The following ERN1 variants were observed in gnomAD, a reference collection of about 807,000 sequenced individuals.
The protein encoded by ERN1 is endoplasmic reticulum to nucleus signaling 1, also known as serine/threonine-protein kinase/endoribonuclease IRE1.
ERN1 carries 39 observed loss-of-function variants against 113.1 expected under a neutral mutation model. That is an observed-to-expected ratio of 0.34 (90% CI 0.27 to 0.45). ERN1 has a LOEUF of 0.45. Ranked by LOEUF, ERN1 falls within the 20% of genes least tolerant of loss-of-function variation. The pLI is 1.00. For missense variants in ERN1, 976 were observed against 1,274.8 expected, an observed-to-expected ratio of 0.77 and a Z score of 3.57; for synonymous variants, 507 against 515.9, an observed-to-expected ratio of 0.98 and a Z score of 0.23.
chr17:64,081,826 G>A (rs2143414629), intron 2 of ERN1, among the ~76,000 whole-genome samples: 1 of 152,276 alleles, frequency 6.6e-6, no homozygotes. Flanking sequence ...AAAGCAAGAG[G>A]AAGCTCCTGA....
Position 64,098,153 on chromosome 17 carries a change from C to G in ERN1, c.143G>C (p.Arg48Thr). The G allele has an allele frequency of 1.2e-6, 2 of 1,613,970 alleles. No homozygotes were observed. Residue 48 changes from arginine to threonine, a missense_variant, in exon 2 of 22, where the codon AGG becomes ACG. By Grantham distance (71) the Arg-to-Thr change is moderately conservative. Transcript: ENST00000433197. ...TAAAGTCCATTTGATTGAGCCTGTC[C>G]TCTTGCTGACAGCATGCAAACTTCC... ...LDGSLHAVSK[R>T]TGSIKWTLKE...
At position 64,125,614 on chromosome 17, in the gene ERN1, G is replaced by A. The variant is rs915923141; in HGVS notation, c.54+4362C>T. Among the ~76,000 whole-genome samples the A allele has an allele frequency of 2.6e-5, 4 of 152,146 alleles. 1 individual carries two copies. Among genetic ancestry groups the A allele is most frequent in the African/African-American group, 4.8e-5 (2 of 41,432 alleles). ...AGCGATTCTCCTGCCTCGGCCTCCC[G>A]AGTAGCTGGGATTACAGGTGCATGC... On this transcript the variant is annotated intron_variant, in intron 1 of 21. Coordinates refer to ENST00000433197, the MANE Select transcript of ERN1 (RefSeq NM_001433.5).
Position 64,049,132 on chromosome 17 carries a change from A to G in ERN1, c.2324T>C (p.Phe775Ser), listed in dbSNP as rs1406221789. ...GGCCTGCCGCTGCAGGGACTTGCCA[A>G]AAGGGTGGCTGCCCTCAGAGATTAC... Reference protein sequence around the residue: ...YYVISEGSHPFGKSLQRQANI... With the variant: ...YYVISEGSHPSGKSLQRQANI... The change falls in exon 18 of 22, where the codon TTT (phenylalanine) becomes TCT (serine). Residue 775 changes from phenylalanine to serine, a missense_variant. Physicochemically the swap from Phe to Ser is radical, Grantham distance 155. Transcript: ENST00000433197. This position sits in a 1 kb window ranked among gnomAD's most constrained non-coding sequence, Gnocchi z 4.7. The G allele has an allele frequency of 6.2e-7, 1 of 1,610,482 alleles. No individual in the cohort carries two copies. The highest frequency in any genetic ancestry group is 1.1e-5 in the South Asian group (1 of 90,892).
chr17:64,106,964 A>G (rs569328287), intron 1 of ERN1, among the ~76,000 whole-genome samples: 1 of 152,136 alleles, frequency 6.6e-6, no homozygotes, highest in Non-Finnish European at 1.5e-5. Context: ...CAATTCTTCT[A>G]CTTGCAGCAA....
rs1353493080 is a variant in ERN1, at chr17:64,063,246, C to T, written c.1087+740G>A. 6.6e-6 allele frequency among the ~76,000 whole-genome samples: 1 copy of T among 152,246 alleles called. No homozygotes were observed. Among genetic ancestry groups the T allele is most frequent in the Non-Finnish European group, 1.5e-5 (1 of 68,046 alleles). The stretch of plus-strand genomic sequence containing the variant: ...AGTGAGGGATGGGGCACAGGAAGGG[C>T]AGATGGGGTTCAAGAAAACTCCCTC... On this transcript the variant is annotated intron_variant, in intron 10 of 21. Coordinates refer to ENST00000433197, the MANE Select transcript of ERN1 (RefSeq NM_001433.5). The surrounding 1 kb of genome is among the most constrained non-coding windows in gnomAD (Gnocchi z 5.1).
chr17:64,068,154 G>T, intron 7 of ERN1, 36 bp downstream of exon 7: 2 of 1,468,336 alleles, frequency 1.4e-6, no homozygotes, highest in South Asian at 1.2e-5. Context: ...CAAAAGTACT[G>T]GCCCAAGCTT....
At chr17:64,052,174 C>T (rs554631806) in intron 17 of ERN1, among the ~76,000 whole-genome samples, 2 of 152,106 alleles carry the variant, frequency 1.3e-5, no homozygotes, top group African/African-American at 2.4e-5. Flanking sequence ...GGCAAAATAG[C>T]GAGATCGCAC....
chr17:64,072,641 A>G (rs1007043655), intron 5 of ERN1, among the ~76,000 whole-genome samples: 1 of 152,266 alleles, frequency 6.6e-6, no homozygotes, highest in Admixed American at 6.5e-5. Context: ...TAAGGATGTC[A>G]AAGTTGTCTC....
chr17:64,075,090 G>T, intron 5 of ERN1, 85 bp downstream of exon 5: 1 of 1,120,366 alleles, frequency 8.9e-7, no homozygotes, highest in Non-Finnish European at 1.3e-6. Flanking sequence ...GGCGGTGACT[G>T]CGCCCTCTCT....
Position 64,044,208 on chromosome 17 carries a change from G to A in ERN1, c.2722-8C>T. 1 of 1,510,250 alleles carries A rather than the reference G, an allele frequency of 6.6e-7. No individual in the cohort carries two copies. Among genetic ancestry groups the A allele is most frequent in the Non-Finnish European group, 8.9e-7 (1 of 1,125,042 alleles). 93.6% of individuals were successfully genotyped at this position (1,510,250 alleles called of 1,614,324 possible). ...CTCCCGGTAGTGGTGCTTCTGCAAA[G>A]AGTTAGAAAGCTCGGGAGATTAGAA... On this transcript the variant is annotated splice_polypyrimidine_tract_variant and splice_region_variant and intron_variant, in intron 21 of 21. Coordinates refer to ENST00000433197, the MANE Select transcript of ERN1 (RefSeq NM_001433.5). This position sits in a 1 kb window ranked among gnomAD's most constrained non-coding sequence, Gnocchi z 4.1.
At chr17:64,122,874 T>C (rs1242577623) in intron 1 of ERN1, among the ~76,000 whole-genome samples, 1 of 152,248 alleles carries the variant, frequency 6.6e-6, no homozygotes, top group Non-Finnish European at 1.5e-5. Context: ...TGGAAATTTT[T>C]TTAAGACTGA....
At chr17:64,084,632 C>T (rs1203397782) in intron 2 of ERN1, among the ~76,000 whole-genome samples, 1 of 152,200 alleles carries the variant, frequency 6.6e-6, no homozygotes, top group Non-Finnish European at 1.5e-5. Context: ...GAAGAGTGAT[C>T]CTTTTAAAGG....
At chr17:64,121,864 G>A (rs971918421) in intron 1 of ERN1, among the ~76,000 whole-genome samples, 4 of 152,190 alleles carry the variant, frequency 2.6e-5, no homozygotes, top group South Asian at 4.1e-4. Context: ...TTTCCTTGAT[G>A]GAGACTCTCA....
At position 64,065,423 on chromosome 17, in the gene ERN1, G is replaced by A. The variant is rs966808584; in HGVS notation, c.843-136C>T. On this transcript the variant is annotated intron_variant, in intron 8 of 21. Coordinates refer to ENST00000433197, the MANE Select transcript of ERN1 (RefSeq NM_001433.5). ...CCAGACATGGAGGAACGCAGTAGGG[G>A]TGTGAAGCTAGGGGCACTGCCCTGG... 8.1e-6 allele frequency: 5 copies of A among 618,340 alleles called. No homozygotes were observed. The African/African-American group carries it at 9.3e-5, about 11-fold the overall frequency. 38.3% of individuals were successfully genotyped at this position (618,340 alleles called of 1,614,324 possible).
At chr17:64,129,847 G>C in intron 1 of ERN1, 129 bp downstream of exon 1, 1 of 858,242 alleles carries the variant, frequency 1.2e-6, no homozygotes, top group Non-Finnish European at 1.6e-6. Context: ...CCACGGCTGG[G>C]CTCACGGGGC....
Position 64,044,282 on chromosome 17 carries a change from C to A in ERN1, c.2722-82G>T. The A allele has an allele frequency of 1.0e-6, 1 of 969,252 alleles. No homozygotes were observed. The highest frequency in any genetic ancestry group is 1.5e-6 in the Non-Finnish European group (1 of 673,630). 60.0% of individuals were successfully genotyped at this position (969,252 alleles called of 1,614,324 possible). ...GTTGGCAAAACACCCTTTCATCATG[C>A]AAGGAAGAGACAGAATGTGAGTGTT... On this transcript the variant is annotated intron_variant, in intron 21 of 21. Coordinates refer to ENST00000433197, the MANE Select transcript of ERN1 (RefSeq NM_001433.5). The surrounding 1 kb of genome is among the most constrained non-coding windows in gnomAD (Gnocchi z 4.1).
At position 64,043,251 on chromosome 17, in the gene ERN1, A is replaced by C. The variant is rs1912396689; in HGVS notation, c.*737T>G. ...ACCACCCCGAGATGGCCCGGGACAC[A>C]CCCACCAAAGGCCACTGTTCTGGCC... On this transcript the variant is annotated 3_prime_UTR_variant, in exon 22 of 22. Coordinates refer to ENST00000433197, the MANE Select transcript of ERN1 (RefSeq NM_001433.5). 6.6e-6 allele frequency: 1 copy of C among 152,404 alleles called. No homozygotes were observed. The highest frequency in any genetic ancestry group is 2.4e-5 in the African/African-American group (1 of 41,352). 9.4% of individuals were successfully genotyped at this position (152,404 alleles called of 1,614,324 possible).
chr17:64,124,687 G>T (rs1034551901), intron 1 of ERN1, among the ~76,000 whole-genome samples: 1 of 152,106 alleles, frequency 6.6e-6, no homozygotes, highest in Admixed American at 6.5e-5. Context: ...TTTGTAAATT[G>T]CCCAGTCTCG....
At position 64,053,216 on chromosome 17, in the gene ERN1, T is replaced by G. The variant is rs577472148; in HGVS notation, c.2053+56A>C. On this transcript the variant is annotated intron_variant, in intron 16 of 21. Coordinates refer to ENST00000433197, the MANE Select transcript of ERN1 (RefSeq NM_001433.5). ...ACCCGAGCTACTGGTTAGCCCCACC[T>G]GGGCCACTGATTCTCCCCACCCGGG... 5 of 1,446,978 alleles carry G rather than the reference T, an allele frequency of 3.5e-6. No individual in the cohort carries two copies. The African/African-American group carries it at 7.0e-5, about 20-fold the overall frequency. 89.6% of individuals were successfully genotyped at this position (1,446,978 alleles called of 1,614,324 possible).
Sources: gnomAD v4.1 joint callset for allele counts (sites outside exome capture counted in the v4.1 genomes callset) on GRCh38, gnomAD v4.1.1 for gene constraint, Gnocchi (gnomAD v3.1) non-coding constraint, MANE v1.5 for transcripts, NCBI Gene and HGNC (gene_info 2026-07-23, HGNC 2026-07-21) for gene names.